Variants in PBX3 observed in about 807,000 individuals in gnomAD.
PBX3 encodes the protein pre-B-cell leukemia transcription factor 3.
In PBX3, 14 loss-of-function variants were observed where a neutral mutation model predicts 48.5. That is an observed-to-expected ratio of 0.29 (90% CI 0.19 to 0.45). The LOEUF is 0.45. Among genes scored for constraint, PBX3 ranks in the 20% least tolerant of loss-of-function variants. The pLI is 1.00. For missense variants in PBX3, 386 were observed against 546.7 expected (o/e 0.71, Z 2.93); for synonymous variants, 210 against 200.3 (o/e 1.05, Z -0.41).
At chr9:125,927,373 C>G (rs1193123025) in intron 3 of PBX3, among the ~76,000 whole-genome samples, 1 of 152,030 alleles carries the variant, frequency 6.6e-6, no homozygotes, top group Admixed American at 6.5e-5. Context: ...TTTACCTTAC[C>G]TTAGAAATAT....
At chr9:125,930,505 G>A (rs1224073185) in intron 4 of PBX3, among the ~76,000 whole-genome samples, 2 of 152,166 alleles carry the variant, frequency 1.3e-5, no homozygotes, top group African/African-American at 4.8e-5. Context: ...GATGCCTCTC[G>A]GGGCATTGCT....
intron 2 of PBX3, among the ~76,000 whole-genome samples, chr9:125,815,379 G>C (rs1838428838): frequency 6.6e-6 from 1 of 151,992 alleles, no homozygotes; most frequent in Admixed American, 6.6e-5. Context: ...TGAAATTGTT[G>C]ACTGTATATC....
intron 2 of PBX3, among the ~76,000 whole-genome samples, chr9:125,781,153 G>A (rs1837295683): frequency 6.6e-6 from 1 of 150,876 alleles, no homozygotes; most frequent in South Asian, 2.1e-4. Flanking sequence ...CGGCACTTTT[G>A]GAGGCCAAGG....
chr9:125,763,146 C>T (rs1286324792), intron 2 of PBX3, among the ~76,000 whole-genome samples: 2 of 152,074 alleles, frequency 1.3e-5, no homozygotes, highest in Non-Finnish European at 2.9e-5. Context: ...CTTCAATTAG[C>T]CCAGTTTGAG....
At chr9:125,896,906 C>CT (rs1840783119) in intron 2 of PBX3, among the ~76,000 whole-genome samples, 1 of 151,950 alleles carries the variant, frequency 6.6e-6, no homozygotes, top group Non-Finnish European at 1.5e-5. Flanking sequence ...ATTGGCAACT[C>CT]TTAATTACTG....
chr9:125,812,771 T>C (rs1241630108), intron 2 of PBX3, among the ~76,000 whole-genome samples: 1 of 152,240 alleles, frequency 6.6e-6, no homozygotes, highest in East Asian at 1.9e-4. Context: ...GATAGCTCAT[T>C]ATTGTTCCTA....
At chr9:125,763,743 C>T (rs1485964929) in intron 2 of PBX3, among the ~76,000 whole-genome samples, 4 of 152,146 alleles carry the variant, frequency 2.6e-5, no homozygotes, top group Non-Finnish European at 4.4e-5. Flanking sequence ...AGCACGGGAA[C>T]GCTGTCCCTC....
At chr9:125,801,898 T>G (rs1837961167) in intron 2 of PBX3, among the ~76,000 whole-genome samples, 1 of 151,814 alleles carries the variant, frequency 6.6e-6, no homozygotes. Flanking sequence ...CAGTGTATAT[T>G]TCATTTTTTT....
intron 2 of PBX3, among the ~76,000 whole-genome samples, chr9:125,862,366 G>A (rs1588232486): frequency 6.6e-6 from 1 of 152,102 alleles, no homozygotes; most frequent in Admixed American, 6.5e-5. Context: ...TCAGTGGCTT[G>A]GAAGAAAATT....
chr9:125,858,781 A>G (rs1205377524), intron 2 of PBX3, among the ~76,000 whole-genome samples: 1 of 151,960 alleles, frequency 6.6e-6, no homozygotes, highest in Non-Finnish European at 1.5e-5. Context: ...ACCTGCCACC[A>G]TGCCCGGCTA....
In PBX3 at chr9:125,965,888, G is replaced by A; in HGVS notation, c.1270G>A (p.Gly424Ser). 6.2e-7 allele frequency: 1 copy of A among 1,614,084 alleles called. No homozygotes were observed. Among genetic ancestry groups the A allele is most frequent in the Non-Finnish European group, 8.5e-7 (1 of 1,179,972 alleles). Reference protein sequence around the residue: ...TPSSVTSPTEGPGSVHSDTSN With the variant: ...TPSSVTSPTESPGSVHSDTSN ...ATCTTCTGTGACTTCTCCTACAGAA[G>A]GCCCAGGAAGTGTGCACTCGGATAC... Residue 424 changes from glycine to serine, a missense_variant, in exon 9 of 9, where the codon GGC (glycine) becomes AGC (serine). Gly to Ser is a moderately conservative substitution (Grantham distance 56, BLOSUM62 0). Coordinates refer to ENST00000373489, the MANE Select transcript of PBX3 (RefSeq NM_006195.6).
intron 2 of PBX3, among the ~76,000 whole-genome samples, chr9:125,756,703 G>C (rs1836527936): frequency 6.6e-6 from 1 of 152,172 alleles, no homozygotes; most frequent in South Asian, 2.1e-4. Flanking sequence ...TCTTCGGTGT[G>C]CATGTGTGAT....
intron 2 of PBX3, among the ~76,000 whole-genome samples, chr9:125,769,339 T>C (rs1281034245): frequency 6.6e-6 from 1 of 152,168 alleles, no homozygotes; most frequent in Admixed American, 6.5e-5. Flanking sequence ...GAAAATAATT[T>C]TAAGTTTGTG....
At chr9:125,941,117 A>G (rs974326503) in intron 5 of PBX3, among the ~76,000 whole-genome samples, 7 of 152,116 alleles carry the variant, frequency 4.6e-5, no homozygotes, top group Non-Finnish European at 1.0e-4. Context: ...AGAGGATGCA[A>G]TTTTTAATAG....
At chr9:125,833,494 A>AC (rs1448646490) in intron 2 of PBX3, among the ~76,000 whole-genome samples, 2 of 152,114 alleles carry the variant, frequency 1.3e-5, no homozygotes, top group African/African-American at 4.8e-5. Context: ...GTCTCAAAAA[A>AC]AAAAAAATTG....
intron 2 of PBX3, among the ~76,000 whole-genome samples, chr9:125,901,925 C>G (rs529966540): frequency 3.3e-5 from 5 of 151,828 alleles, no homozygotes; most frequent in African/African-American, 4.8e-5. Flanking sequence ...AGGACCTTGC[C>G]TAGACCGTGA....
At chr9:125,837,385 T>C (rs1174024260) in intron 2 of PBX3, among the ~76,000 whole-genome samples, 1 of 149,646 alleles carries the variant, frequency 6.7e-6, no homozygotes, top group African/African-American at 2.4e-5. Flanking sequence ...TACATGTGTA[T>C]AAATATATAT....
intron 2 of PBX3, among the ~76,000 whole-genome samples, chr9:125,822,920 C>A (rs1224221135): frequency 6.6e-6 from 1 of 151,564 alleles, no homozygotes; most frequent in Admixed American, 6.6e-5. Flanking sequence ...TATGGATCAT[C>A]CATATCAATA....
At chr9:125,844,529 C>A (rs1839376937) in intron 2 of PBX3, 2 of 151,926 alleles carry the variant, frequency 1.3e-5, no homozygotes, top group Non-Finnish European at 2.9e-5. Context: ...AAATGTCAAA[C>A]CATGAAGGCA....
Sources: gnomAD v4.1 joint callset for allele counts (sites outside exome capture counted in the v4.1 genomes callset) on GRCh38, gnomAD v4.1.1 for gene constraint, MANE v1.5 for transcripts, NCBI Gene and HGNC (gene_info 2026-07-23, HGNC 2026-07-21) for gene names.